Variants in STAG1 observed in about 807,000 individuals in gnomAD.
STAG1 encodes STAG1 cohesin complex component.
A neutral mutation model predicts 170.9 loss-of-function variants in STAG1; 26 were observed. That is an observed-to-expected ratio of 0.15 (90% confidence interval 0.11 to 0.21). The LOEUF (loss-of-function observed/expected upper bound fraction) is 0.21. Among genes scored for constraint, STAG1 ranks in the 10% least tolerant of loss-of-function variants. STAG1 has a pLI of 1.00. For synonymous variants in STAG1, 514 were observed against 497.7 expected (o/e 1.03, Z -0.44); for missense variants, 964 against 1,509.5 (o/e 0.64, Z 5.99).
chr3:136,510,578 T>C (rs922526675), intron 7 of STAG1, among the ~76,000 whole-genome samples: 5 of 151,274 alleles, frequency 3.3e-5, no homozygotes, highest in African/African-American at 9.7e-5. Flanking sequence ...ACCCAGCCAA[T>C]AGTGAGTTCT....
At chr3:136,665,850 C>A (rs1460623916) in intron 1 of STAG1, among the ~76,000 whole-genome samples, 1 of 149,524 alleles carries the variant, frequency 6.7e-6, no homozygotes, top group African/African-American at 2.5e-5. Flanking sequence ...CCGAGGCAAA[C>A]AGATCATGAG....
At chr3:136,595,490 G>A (rs553891402) in intron 4 of STAG1, among the ~76,000 whole-genome samples, 1 of 151,984 alleles carries the variant, frequency 6.6e-6, no homozygotes, top group South Asian at 2.1e-4. Flanking sequence ...TCAGGAGATT[G>A]AGACCATCCT....
At chr3:136,607,425 C>T (rs1296186389) in intron 3 of STAG1, among the ~76,000 whole-genome samples, 1 of 152,070 alleles carries the variant, frequency 6.6e-6, no homozygotes, top group Non-Finnish European at 1.5e-5. Flanking sequence ...TTTTTGGAGA[C>T]AGATTCTCTC....
At chr3:136,546,363 C>T (rs1479624249) in intron 5 of STAG1, among the ~76,000 whole-genome samples, 1 of 152,092 alleles carries the variant, frequency 6.6e-6, no homozygotes, top group Non-Finnish European at 1.5e-5. Flanking sequence ...CATTTTAAAA[C>T]ATACGAAAAT....
intron 1 of STAG1, among the ~76,000 whole-genome samples, chr3:136,701,885 C>T (rs1943072227): frequency 6.6e-6 from 1 of 152,064 alleles, no homozygotes; most frequent in African/African-American, 2.4e-5. Context: ...ACTTCTACTT[C>T]TTTTCCCCCA....
chr3:136,511,047 C>G (rs994417094), intron 7 of STAG1, among the ~76,000 whole-genome samples: 1 of 152,214 alleles, frequency 6.6e-6, no homozygotes, highest in Admixed American at 6.5e-5. Flanking sequence ...GCTGGGATTA[C>G]AGGCATGAGC....
intron 22 of STAG1, among the ~76,000 whole-genome samples, 193 bp from the exon 23 acceptor site, chr3:136,377,945 A>G (rs1193299906): frequency 4.6e-5 from 7 of 152,240 alleles, no homozygotes; most frequent in Non-Finnish European, 8.8e-5. Flanking sequence ...AGTGACACTG[A>G]CACTCTAAAA....
At chr3:136,696,402 A>T (rs1044468945) in intron 1 of STAG1, among the ~76,000 whole-genome samples, 15 of 152,174 alleles carry the variant, frequency 9.9e-5, no homozygotes, top group Admixed American at 9.2e-4. Context: ...AATGATTTTC[A>T]TAAGAGCATG....
intron 1 of STAG1, among the ~76,000 whole-genome samples, chr3:136,683,841 G>A (rs1049658612): frequency 5.3e-5 from 8 of 152,184 alleles, no homozygotes; most frequent in Non-Finnish European, 8.8e-5. Context: ...AAAAGTGATT[G>A]TAGCAAAGTT....
intron 7 of STAG1, among the ~76,000 whole-genome samples, chr3:136,508,790 T>C (rs146727945): frequency 1.3e-5 from 2 of 152,354 alleles, no homozygotes; most frequent in East Asian, 3.9e-4. Flanking sequence ...CTTGCTGGGG[T>C]ACCCTACAAA....
chr3:136,445,059 T>C (rs1305333427), intron 14 of STAG1, among the ~76,000 whole-genome samples: 1 of 147,960 alleles, frequency 6.8e-6, no homozygotes, highest in Non-Finnish European at 1.5e-5. Context: ...GGGGTTACCA[T>C]GTTACTAGGC....
At chr3:136,472,001 T>C (rs888720259) in intron 12 of STAG1, among the ~76,000 whole-genome samples, 4 of 152,074 alleles carry the variant, frequency 2.6e-5, no homozygotes, top group Non-Finnish European at 5.9e-5. Context: ...CCATGCCAGT[T>C]AATTTTTTTA....
chr3:136,477,064 T>C (rs919717387), intron 10 of STAG1, among the ~76,000 whole-genome samples: 3 of 152,216 alleles, frequency 2.0e-5, no homozygotes, highest in Non-Finnish European at 4.4e-5. Context: ...GTTGTCAAAC[T>C]TGGTTCAAGA....
chr3:136,372,189 C>T lies in STAG1; in HGVS notation c.2371-2907G>A, dbSNP rs149226528. ...TATAAGAATGCTTGTGATGTTTGCA[C>T]ATTGATTTTGTATCCTGAGACTTTG... On this transcript the variant is annotated intron_variant, in intron 23 of 33. Transcript: ENST00000383202. Among the ~76,000 whole-genome samples, 1,142 of 152,278 alleles carry T rather than the reference C, an allele frequency of 7.5e-3. 18 individuals carry two copies. The highest frequency in any genetic ancestry group is 0.026 in the African/African-American group (1,090 of 41,542).
At position 136,651,328 on chromosome 3, in the gene STAG1, T is replaced by C. The variant is rs994120966; in HGVS notation, c.-83-20347A>G. Among the ~76,000 whole-genome samples, 41 of 147,224 alleles carry C rather than the reference T, an allele frequency of 2.8e-4. 1 individual carries two copies. The highest frequency in any genetic ancestry group is 1.0e-3 in the African/African-American group (40 of 39,500). On this transcript the variant is annotated intron_variant, in intron 1 of 33. Coordinates refer to ENST00000383202, the MANE Select transcript of STAG1 (RefSeq NM_005862.3). The stretch of plus-strand genomic sequence containing the variant: ...CTGCAGTGAGCTAAGATTATGTCAC[T>C]GCACTCCAGCCTCAGTGAAAGAGCA...
At chr3:136,361,230 C>T (rs917534985) in intron 26 of STAG1, among the ~76,000 whole-genome samples, 2 of 152,146 alleles carry the variant, frequency 1.3e-5, no homozygotes, top group African/African-American at 4.8e-5. Flanking sequence ...TGGTAGCATA[C>T]TGCATTTGTC....
chr3:136,525,210 G>C (rs1453732458), intron 6 of STAG1, among the ~76,000 whole-genome samples: 1 of 152,152 alleles, frequency 6.6e-6, no homozygotes, highest in African/African-American at 2.4e-5. Flanking sequence ...ATTTGGCTGT[G>C]AATCCATCTC....
At chr3:136,725,592 C>T (rs956862312) in intron 1 of STAG1, among the ~76,000 whole-genome samples, 1 of 152,122 alleles carries the variant, frequency 6.6e-6, no homozygotes, top group Non-Finnish European at 1.5e-5. Context: ...AGAACAGCCA[C>T]AAGTAGATGA....
chr3:136,588,620 G>A (rs549844720), intron 4 of STAG1, among the ~76,000 whole-genome samples: 10 of 152,070 alleles, frequency 6.6e-5, no homozygotes, highest in South Asian at 2.1e-4. Flanking sequence ...GATTACAGGC[G>A]TGAGCCACTG....
Sources: gnomAD v4.1 joint callset for allele counts (sites outside exome capture counted in the v4.1 genomes callset) on GRCh38, gnomAD v4.1.1 for gene constraint, MANE v1.5 for transcripts, NCBI Gene and HGNC (gene_info 2026-07-23, HGNC 2026-07-21) for gene names.